Variants in INPP5E observed in about 807,000 individuals in gnomAD.
The protein encoded by INPP5E is phosphatidylinositol polyphosphate 5-phosphatase type IV.
In INPP5E, 34 loss-of-function variants were observed where a neutral mutation model predicts 50.5. The observed-to-expected ratio is 0.67, with a 90% confidence interval of 0.51 to 0.90. The LOEUF (loss-of-function observed/expected upper bound fraction) is 0.90, where lower values mean the gene tolerates loss of function less well. Ranked by LOEUF, INPP5E falls within the 40% of genes least tolerant of loss-of-function variation. The pLI is 0.00. For synonymous variants in INPP5E, 447 were observed against 406.0 expected (o/e 1.10, Z -1.21); for missense variants, 942 against 905.5 (o/e 1.04, Z -0.52).
chr9:136,431,865 G>C lies in INPP5E; in HGVS notation c.1508C>G (p.Ala503Gly). 1 of 1,606,752 alleles carries C rather than the reference G, an allele frequency of 6.2e-7. No individual in the cohort carries two copies. The highest frequency in any genetic ancestry group is 1.1e-5 in the South Asian group (1 of 90,722). ...GATGAGCTGGTCGTGCTGCAGCAGC[G>C]CCGGCACGTCCACCACCAGGCCCTG... ...LCQGLVVDVP[A>G]LLQHDQLIRE... The change falls in exon 7 of 10, where the codon GCG (alanine) becomes GGG (glycine). Residue 503 changes from alanine (A) to glycine (G), a missense_variant. Coordinates refer to ENST00000371712, the MANE Select transcript of INPP5E (RefSeq NM_019892.6).
chr9:136,429,563 T>A lies in INPP5E; in HGVS notation c.*112A>T. 1.4e-6 allele frequency: 2 copies of A among 1,412,630 alleles called. No homozygotes were observed. Among genetic ancestry groups the A allele is most frequent in the Non-Finnish European group, 2.0e-6 (2 of 1,010,842 alleles). 87.5% of individuals were successfully genotyped at this position (1,412,630 alleles called of 1,614,324 possible). On this transcript the variant is annotated 3_prime_UTR_variant, in exon 10 of 10. Coordinates refer to ENST00000371712, the MANE Select transcript of INPP5E (RefSeq NM_019892.6). The stretch of plus-strand genomic sequence containing the variant: ...CTGGGACGCTGGCACAGAGGCACGG[T>A]CGCCACAGTCCCTCGGATCCCCGAA...
rs949099017 is a variant in INPP5E, at chr9:136,429,585, C to T, written c.*90G>A. ...CGGTCGCCACAGTCCCTCGGATCCC[C>T]GAAAGGCGGCAAACTCTTTGTCCTT... On this transcript the variant is annotated 3_prime_UTR_variant, in exon 10 of 10. Coordinates refer to ENST00000371712, the MANE Select transcript of INPP5E (RefSeq NM_019892.6). The T allele has an allele frequency of 8.0e-5, 124 of 1,559,390 alleles. No homozygotes were observed. The highest frequency in any genetic ancestry group is 4.5e-4 in the Admixed American group (27 of 59,922).
intron 2 of INPP5E, 119 bp from the exon 3 acceptor site, chr9:136,434,253 C>T: frequency 1.3e-6 from 1 of 740,984 alleles, no homozygotes; most frequent in Non-Finnish European, 2.3e-6. Context: ...GAAACTGAGG[C>T]CAGGGCCAAA....
chr9:136,434,710 C>G (rs376688359), intron 2 of INPP5E, 30 bp downstream of exon 2: 17 of 1,168,136 alleles, frequency 1.5e-5, no homozygotes, highest in Admixed American at 1.9e-5. Flanking sequence ...CCCCACCCTT[C>G]CCCGCCCAGC....
At chr9:136,434,905 A>G (rs1835797410) in intron 1 of INPP5E, 42 bp from the exon 2 acceptor site, 1 of 1,583,038 alleles carries the variant, frequency 6.3e-7, no homozygotes, top group Non-Finnish European at 8.6e-7. Context: ...GGCACAGGAC[A>G]CATCCCTGGG....
rs1175211489 is a variant in INPP5E, at chr9:136,431,900, G to A, written c.1473C>T (p.Ala491=). The A allele has an allele frequency of 1.2e-6, 2 of 1,610,924 alleles. No homozygotes were observed. The highest frequency in any genetic ancestry group is 1.7e-6 in the Non-Finnish European group (2 of 1,179,502). The part of the protein sequence containing the change: ...RLSGGRTVVD[A]LLCQGLVVDV... The stretch of plus-strand genomic sequence containing the variant: ...CCACCACCAGGCCCTGGCACAGGAG[G>A]GCGTCCACGACTGTGCGCCCGCCAC... The change falls in exon 7 of 10, where the codon GCC becomes GCT. Residue 491 remains alanine (A), a synonymous_variant. Coordinates refer to ENST00000371712, the MANE Select transcript of INPP5E (RefSeq NM_019892.6).
chr9:136,434,955 G>T (rs1375745202), intron 1 of INPP5E, 92 bp from the exon 2 acceptor site: 2 of 1,464,408 alleles, frequency 1.4e-6, no homozygotes, highest in East Asian at 2.5e-5. Context: ...CAAAACCCAT[G>T]GAATGTCAGG....
Position 136,439,401 on chromosome 9 carries a change from T to G in INPP5E, c.19A>C (p.Asn7His). The G allele has an allele frequency of 6.8e-7, 1 of 1,465,746 alleles. No individual in the cohort carries two copies. Among genetic ancestry groups the G allele is most frequent in the Non-Finnish European group, 9.0e-7 (1 of 1,114,862 alleles). The allele number at this position is 1,465,746 out of a possible 1,614,324, so 90.8% of individuals were successfully genotyped here. A position where few individuals can be genotyped will look rare whatever the true frequency, so the allele number is the denominator to read the frequency against. Residue 7 changes from asparagine (N) to histidine (H), a missense_variant, in exon 1 of 10, where the codon AAT (asparagine) becomes CAT (histidine). By Grantham distance (68) the Asn-to-His change is moderately conservative (BLOSUM62 1). Coordinates refer to ENST00000371712, the MANE Select transcript of INPP5E (RefSeq NM_019892.6). MPSKAE[N>H]LRPSEPAPQP... ...GGGGCCGGCTCGGAGGGCCGCAGAT[T>G]CTCCGCCTTGGACGGCATGGACGGT...
chr9:136,434,257 G>C, intron 2 of INPP5E, 123 bp from the exon 3 acceptor site: 1 of 715,574 alleles, frequency 1.4e-6, no homozygotes, highest in South Asian at 1.6e-5. Flanking sequence ...CTGAGGCCAG[G>C]GCCAAAAAGG....
rs1400925992 is a variant in INPP5E at position 136,429,037 on chromosome 9, C to T, written c.*638G>A. The T allele has an allele frequency of 6.1e-6, 1 of 163,740 alleles. No homozygotes were observed. The highest frequency in any genetic ancestry group is 1.4e-5 in the Non-Finnish European group (1 of 73,960). The allele number at this position is 163,740 out of a possible 1,614,324, so 10.1% of individuals were successfully genotyped here. ...GCAGCTTCTTACTCAGCTGGGGAGG[C>T]CCTTATACTGGGGTGCAGGCCTCCT... is the stretch of plus-strand genomic sequence containing the variant. On this transcript the variant is annotated 3_prime_UTR_variant, in exon 10 of 10. Transcript: ENST00000371712.
At chr9:136,429,911 G>A (rs972820366) in intron 9 of INPP5E, 104 bp from the exon 10 acceptor site, 2 of 857,422 alleles carry the variant, frequency 2.3e-6, no homozygotes, top group Non-Finnish European at 3.8e-6. Context: ...GGACACCCAG[G>A]GCCAGGATGA....
chr9:136,433,088 C>CA lies in INPP5E; in HGVS notation c.1160-14dup. On this transcript the variant is annotated splice_polypyrimidine_tract_variant and intron_variant, in intron 4 of 9. Coordinates refer to ENST00000371712, the MANE Select transcript of INPP5E (RefSeq NM_019892.6). ...GAGCACTCCACCTCTGTGGGAGGGG[C>CA]AGCCCTCAGCTCACCTGTGGGACGC... 1 of 1,611,820 alleles carries CA rather than the reference C, an allele frequency of 6.2e-7. No homozygotes were observed. Among genetic ancestry groups the CA allele is most frequent in the South Asian group, 1.1e-5 (1 of 91,062 alleles).
At chr9:136,430,908 C>T in intron 8 of INPP5E, 94 bp downstream of exon 8, 1 of 909,492 alleles carries the variant, frequency 1.1e-6, no homozygotes, top group Non-Finnish European at 1.8e-6. Flanking sequence ...CCAGGCCGTC[C>T]AGGCTCAGAC....
In INPP5E at chr9:136,431,022, G is replaced by C. The variant is rs1165161907; in HGVS notation, c.1645C>G (p.Gln549Glu). ...CTCACCGTGTATGAGGGCGTCCTCT[G>C]CTTGGAGGTGCTGTCGTACGTGTCC... ...GKDTYDSTSK[Q>E]RTPSYTDRVL... The change falls in exon 8 of 10, where the codon CAG becomes GAG. Residue 549 changes from glutamine to glutamate, a missense_variant. Transcript: ENST00000371712. The C allele has an allele frequency of 6.2e-7, 1 of 1,612,206 alleles. No homozygotes were observed. The highest frequency in any genetic ancestry group is 2.2e-5 in the East Asian group (1 of 44,826).
intron 1 of INPP5E, chr9:136,436,421 G>A (rs921065162): frequency 2.0e-5 from 3 of 152,612 alleles, no homozygotes; most frequent in Non-Finnish European, 4.4e-5. Flanking sequence ...CAGGCCAGGG[G>A]CGGCCCTCAC....
At chr9:136,434,587 C>A (rs2131611040) in intron 2 of INPP5E, among the ~76,000 whole-genome samples, 153 bp downstream of exon 2, 1 of 152,312 alleles carries the variant, frequency 6.6e-6, no homozygotes, top group Admixed American at 6.5e-5. Flanking sequence ...TACCCACTCT[C>A]ACCCTCCTGT....
Position 136,430,379 on chromosome 9 carries a change from T to A in INPP5E, c.1700A>T (p.Asp567Val), listed in dbSNP as rs779177166. ...GGAAGAGTAGCTCACAGGACAGATGTCACCCTTGTGGCGGCTTCTGTACAA... is the reference window on the plus strand; with the variant it reads ...GGAAGAGTAGCTCACAGGACAGATGACACCCTTGTGGCGGCTTCTGTACAA... ...RVLYRSRHKG[D>V]ICPVSYSSCP... Residue 567 changes from aspartate to valine, a missense_variant, in exon 9 of 10, where the codon GAC becomes GTC. Coordinates refer to ENST00000371712, the MANE Select transcript of INPP5E (RefSeq NM_019892.6). 1.3e-6 allele frequency: 2 copies of A among 1,557,244 alleles called. No individual in the cohort carries two copies. The highest frequency in any genetic ancestry group is 2.7e-5 in the African/African-American group (2 of 73,700).
rs765521242 is a variant in INPP5E at position 136,429,689 on chromosome 9, A to C, written c.1921T>G (p.Cys641Gly). 1 of 1,614,000 alleles carries C rather than the reference A, an allele frequency of 6.2e-7. No homozygotes were observed. The highest frequency in any genetic ancestry group is 8.5e-7 in the Non-Finnish European group (1 of 1,180,052). ...ALQSQNSSTI[C>G]SVS ...TTCAGCAAACTTCAAGAAACGGAGC[A>C]GATGGTGCTGGAGTTCTGACTCTGT... The change falls in exon 10 of 10, where the codon TGC (cysteine) becomes GGC (glycine). Residue 641 changes from cysteine to glycine, a missense_variant. Coordinates refer to ENST00000371712, the MANE Select transcript of INPP5E (RefSeq NM_019892.6).
intron 1 of INPP5E, chr9:136,437,776 G>C (rs1411607175): frequency 6.6e-6 from 1 of 152,654 alleles, no homozygotes. Context: ...TGGGGTGGGG[G>C]GAGGAAAAGA....
Sources: gnomAD v4.1 joint callset for allele counts (sites outside exome capture counted in the v4.1 genomes callset) on GRCh38, gnomAD v4.1.1 for gene constraint, MANE v1.5 for transcripts, NCBI Gene and HGNC (gene_info 2026-07-23, HGNC 2026-07-21) for gene names.